Variants in CCDC102B observed in about 807,000 individuals in gnomAD.
The protein encoded by CCDC102B is coiled-coil domain containing 102B.
In CCDC102B, 75 loss-of-function variants were observed where a neutral mutation model predicts 57.4. The ratio of observed to expected loss-of-function variants is 1.31; its 90% confidence interval spans 1.08 to 1.58. The LOEUF (loss-of-function observed/expected upper bound fraction) is 1.58, where lower values mean the gene tolerates loss of function less well. Ranked by LOEUF, CCDC102B falls within the 40% of genes most tolerant of loss-of-function variation. The pLI is 0.00. For synonymous variants in CCDC102B, 206 were observed against 201.9 expected (o/e 1.02, Z -0.17); for missense variants, 636 against 582.6 (o/e 1.09, Z -0.94).
intron 6 of CCDC102B, among the ~76,000 whole-genome samples, chr18:68,923,926 C>A (rs1281946749): frequency 6.6e-6 from 1 of 152,036 alleles, no homozygotes; most frequent in Non-Finnish European, 1.5e-5. Flanking sequence ...CCATCATCAG[C>A]AAAACTTGCT....
Position 68,868,158 on chromosome 18 carries a change from T to G in CCDC102B, c.937-6511T>G, listed in dbSNP as rs559860039. Among the ~76,000 whole-genome samples the G allele has an allele frequency of 6.6e-5, 10 of 152,276 alleles. No homozygotes were observed. The South Asian group carries it at 1.2e-3, about 19-fold the overall frequency. ...AAACTGAGTTAAAATACTCATTTTA[T>G]AAAAAGTAAATATTTAAAATTCACT... is the stretch of plus-strand genomic sequence containing the variant. On this transcript the variant is annotated intron_variant, in intron 4 of 7. Coordinates refer to ENST00000360242, the MANE Select transcript of CCDC102B (RefSeq NM_024781.3).
In CCDC102B at chr18:69,054,954, T is replaced by G. The variant is rs2145507975; in HGVS notation, c.*817T>G. The G allele has an allele frequency of 3.1e-6, 3 of 983,598 alleles. No homozygotes were observed. The highest frequency in any genetic ancestry group is 4.7e-5 in the South Asian group (1 of 21,250). 60.9% of individuals were successfully genotyped at this position (983,598 alleles called of 1,614,324 possible). The stretch of plus-strand genomic sequence containing the variant: ...TTATGTGAATATTTCTTTAAAACTT[T>G]TATGTACATTATAGTTTATTGCTTC... On this transcript the variant is annotated 3_prime_UTR_variant, in exon 8 of 8. Coordinates refer to ENST00000360242, the MANE Select transcript of CCDC102B (RefSeq NM_024781.3).
At chr18:68,956,966 T>A (rs922907188) in intron 6 of CCDC102B, among the ~76,000 whole-genome samples, 6 of 152,160 alleles carry the variant, frequency 3.9e-5, no homozygotes, top group Non-Finnish European at 5.9e-5. Flanking sequence ...GCCAATTTTT[T>A]AATCAGATTA....
intron 6 of CCDC102B, among the ~76,000 whole-genome samples, chr18:68,937,024 A>G (rs556306582): frequency 1.6e-4 from 25 of 151,980 alleles, no homozygotes; most frequent in Non-Finnish European, 3.5e-4. Context: ...TGATCACAAC[A>G]TTTTGCCAAC....
chr18:68,857,346 AT>A (rs1273609994), intron 4 of CCDC102B, among the ~76,000 whole-genome samples: 1 of 93,800 alleles, frequency 1.1e-5, no homozygotes, highest in Non-Finnish European at 2.1e-5. Flanking sequence ...ATATTTATAT[AT>A]TATAAATATA....
At chr18:68,935,945 T>A (rs967396541) in intron 6 of CCDC102B, among the ~76,000 whole-genome samples, 5 of 151,940 alleles carry the variant, frequency 3.3e-5, no homozygotes, top group African/African-American at 9.7e-5. Flanking sequence ...GCTCCACATC[T>A]CATTCTTTAC....
At position 68,826,981 on chromosome 18, in the gene CCDC102B, T is replaced by C. The variant is rs561984465; in HGVS notation, c.-15-9768T>C. Among the ~76,000 whole-genome samples, 3 of 152,106 alleles carry C rather than the reference T, an allele frequency of 2.0e-5. No individual in the cohort carries two copies. The South Asian group carries it at 6.2e-4, about 31-fold the overall frequency. ...ACACTAGGAATATCAATTCAAATGATAGTGAATTTCTCACCTGAAGCCACA... is the reference window on the plus strand; with the variant it reads ...ACACTAGGAATATCAATTCAAATGACAGTGAATTTCTCACCTGAAGCCACA... On this transcript the variant is annotated intron_variant, in intron 1 of 7. Coordinates refer to ENST00000360242, the MANE Select transcript of CCDC102B (RefSeq NM_024781.3).
chr18:68,822,480 CA>C (rs968850951), intron 1 of CCDC102B, among the ~76,000 whole-genome samples: 1 of 151,326 alleles, frequency 6.6e-6, no homozygotes, highest in Non-Finnish European at 1.5e-5. Flanking sequence ...TGAAATTGGG[CA>C]TTTAAAAACT....
chr18:68,916,172 C>CAT (rs548488062), intron 6 of CCDC102B, among the ~76,000 whole-genome samples: 6 of 138,962 alleles, frequency 4.3e-5, no homozygotes, highest in African/African-American at 1.6e-4. Flanking sequence ...GATAGATATG[C>CAT]ATCTATCTAT....
At chr18:68,998,282 T>C (rs2051085811) in intron 6 of CCDC102B, among the ~76,000 whole-genome samples, 1 of 150,514 alleles carries the variant, frequency 6.6e-6, no homozygotes, top group Admixed American at 6.7e-5. Context: ...TATACATAAT[T>C]ACATATAGAC....
intron 7 of CCDC102B, among the ~76,000 whole-genome samples, chr18:69,020,903 A>G (rs988067321): frequency 6.6e-6 from 1 of 152,238 alleles, no homozygotes; most frequent in African/African-American, 2.4e-5. Flanking sequence ...GATAAATTCA[A>G]ACAATGAAAA....
At chr18:68,784,698 A>C (rs2035129298) in intron 2 of CCDC102B, among the ~76,000 whole-genome samples, 1 of 152,212 alleles carries the variant, frequency 6.6e-6, no homozygotes, top group Non-Finnish European at 1.5e-5. Context: ...TTTAATTCCC[A>C]AAATCTCCTT....
chr18:69,057,090 C>T (rs138086001), downstream of CCDC102B, among the ~76,000 whole-genome samples: 386 of 152,074 alleles, frequency 2.5e-3, 2 homozygotes, highest in African/African-American at 8.1e-3. Context: ...TAATAATTTC[C>T]CTGTGACTTT....
At chr18:68,737,702 C>T (rs1035953585) in intron 2 of CCDC102B, among the ~76,000 whole-genome samples, 3 of 152,150 alleles carry the variant, frequency 2.0e-5, no homozygotes, top group Non-Finnish European at 2.9e-5. Flanking sequence ...TCTGCTCTGT[C>T]TCAATTATGT....
At chr18:68,716,416 A>C (rs1423681788) in intron 1 of CCDC102B, 1 of 152,072 alleles carries the variant, frequency 6.6e-6, no homozygotes, top group Non-Finnish European at 1.5e-5. Flanking sequence ...AAGCCAGTTG[A>C]CCTAGATCTG....
chr18:68,898,422 C>T (rs2040318343), intron 6 of CCDC102B, among the ~76,000 whole-genome samples: 1 of 151,932 alleles, frequency 6.6e-6, no homozygotes, highest in African/African-American at 2.4e-5. Flanking sequence ...ATGCAAATAT[C>T]TAAAGTTAAA....
At chr18:68,953,230 T>C (rs2049748709) in intron 6 of CCDC102B, among the ~76,000 whole-genome samples, 1 of 152,138 alleles carries the variant, frequency 6.6e-6, no homozygotes, top group South Asian at 2.1e-4. Context: ...TTAGAAATTG[T>C]AAAGATGTTC....
chr18:68,837,184 C>CA lies in CCDC102B; in HGVS notation c.422dup (p.Ser142GlufsTer12). The stretch of plus-strand genomic sequence containing the variant: ...AGAATTGAGTACACTGAAAAAGAAA[C>CA]AGAGTTTGCCACCTCAGAAGGAGGC... On this transcript the variant is annotated frameshift_variant, in exon 2 of 8. Transcript: ENST00000360242. LOFTEE classifies it high-confidence loss of function. The CA allele has an allele frequency of 6.2e-7, 1 of 1,614,128 alleles. No individual in the cohort carries two copies. Among genetic ancestry groups the CA allele is most frequent in the African/African-American group, 1.3e-5 (1 of 75,030 alleles).
In CCDC102B at chr18:68,840,621, A is replaced by G. The variant is rs78338541; in HGVS notation, c.827+1695A>G. Among the ~76,000 whole-genome samples the G allele has an allele frequency of 2.4e-3, 371 of 152,290 alleles. 9 individuals carry two copies. In the East Asian group the frequency reaches 0.063, roughly 26 times the overall value. On this transcript the variant is annotated intron_variant, in intron 3 of 7. Transcript: ENST00000360242. ...CATAGTGACAATTTTATCTAGCCCT[A>G]TACATTTCAGTCACATTCTAATCTC... is the stretch of plus-strand genomic sequence containing the variant.
Sources: allele counts gnomAD v4.1 joint callset (sites outside exome capture counted in the v4.1 genomes callset), GRCh38; gene constraint gnomAD v4.1.1; transcripts MANE v1.5; gene names NCBI Gene and HGNC (gene_info 2026-07-23, HGNC 2026-07-21).